Variants in SEMA3A observed in about 807,000 individuals in gnomAD.
SEMA3A encodes semaphorin-3A.
Under a neutral mutation model 97.9 loss-of-function variants are expected in SEMA3A, and 29 were observed. The observed-to-expected ratio is 0.30, with a 90% CI of 0.22 to 0.40. The LOEUF (loss-of-function observed/expected upper bound fraction) is 0.40. Among genes scored for constraint, SEMA3A ranks in the 10% least tolerant of loss-of-function variants. SEMA3A has a pLI of 1.00. For missense variants in SEMA3A, 763 were observed against 951.3 expected, an observed-to-expected ratio of 0.80 and a Z score of 2.60; for synonymous variants, 321 against 323.7, an observed-to-expected ratio of 0.99 and a Z score of 0.09.
intron 6 of SEMA3A, among the ~76,000 whole-genome samples, chr7:84,043,641 C>T (rs1047031754): frequency 1.3e-5 from 2 of 151,994 alleles, no homozygotes; most frequent in African/African-American, 4.8e-5. Flanking sequence ...CAATTTTATT[C>T]TGTAATGGTA....
intron 1 of SEMA3A, among the ~76,000 whole-genome samples, chr7:84,484,763 T>A (rs778857084): frequency 6.6e-6 from 1 of 152,182 alleles, no homozygotes; most frequent in Non-Finnish European, 1.5e-5. Flanking sequence ...CAAAATATGA[T>A]GGCAATACTG....
intron 6 of SEMA3A, among the ~76,000 whole-genome samples, chr7:84,042,731 C>T (rs1425479342): frequency 6.6e-6 from 1 of 151,968 alleles, no homozygotes; most frequent in East Asian, 1.9e-4. Context: ...TAAAGATAGT[C>T]TTTCTTCCAA....
At chr7:83,971,957 T>C (rs1788931666) in intron 15 of SEMA3A, among the ~76,000 whole-genome samples, 2 of 152,034 alleles carry the variant, frequency 1.3e-5, no homozygotes, top group African/African-American at 4.8e-5. Context: ...CATAGATTCC[T>C]GAAGATGTGA....
At chr7:84,411,190 G>C (rs1442013872) in intron 1 of SEMA3A, among the ~76,000 whole-genome samples, 2 of 151,958 alleles carry the variant, frequency 1.3e-5, no homozygotes, top group Non-Finnish European at 2.9e-5. Flanking sequence ...TGTAATACTT[G>C]ATTTCTGGAC....
At chr7:84,374,515 A>G (rs367921504) in intron 1 of SEMA3A, among the ~76,000 whole-genome samples, 3 of 152,368 alleles carry the variant, frequency 2.0e-5, no homozygotes, top group African/African-American at 7.2e-5. Flanking sequence ...TAAAAGGACA[A>G]TGACCATCTA....
rs533601563 is a variant in SEMA3A at position 84,477,641 on chromosome 7, A to G, written c.-246+14819T>C. Among the ~76,000 whole-genome samples, 11 of 152,214 alleles carry G rather than the reference A, an allele frequency of 7.2e-5. 1 individual carries two copies. The highest frequency in any genetic ancestry group is 5.9e-4 in the Admixed American group (9 of 15,282). On this transcript the variant is annotated intron_variant, in intron 1 of 3. Transcript: ENST00000424555. The stretch of plus-strand genomic sequence containing the variant: ...TCTTGTGTGAAAAGAAGGCCTATGT[A>G]TAGTGATATAACTAAGATATATTTC...
chr7:84,018,149 G>A (rs926117511), intron 6 of SEMA3A, among the ~76,000 whole-genome samples: 3 of 152,066 alleles, frequency 2.0e-5, no homozygotes, highest in African/African-American at 7.2e-5. Flanking sequence ...CTGTAAAGAT[G>A]GTGTTGTTAC....
At chr7:84,429,955 C>T (rs962209462) in intron 1 of SEMA3A, among the ~76,000 whole-genome samples, 2 of 151,712 alleles carry the variant, frequency 1.3e-5, no homozygotes, top group Non-Finnish European at 2.9e-5. Flanking sequence ...AGGAGCTTTA[C>T]GCTGTTGCAA....
intron 2 of SEMA3A, among the ~76,000 whole-genome samples, chr7:84,341,827 T>C (rs930603690): frequency 3.9e-5 from 6 of 152,148 alleles, no homozygotes; most frequent in African/African-American, 1.4e-4. Context: ...CTTTCAGACT[T>C]TGAAATCAGC....
intron 1 of SEMA3A, among the ~76,000 whole-genome samples, chr7:84,405,331 A>T (rs1804048434): frequency 6.6e-6 from 1 of 152,248 alleles, no homozygotes; most frequent in Non-Finnish European, 1.5e-5. Context: ...GATCAATTCA[A>T]CAAGAAGAAC....
At chr7:84,394,403 G>C (rs569374018) in intron 1 of SEMA3A, among the ~76,000 whole-genome samples, 5 of 152,144 alleles carry the variant, frequency 3.3e-5, no homozygotes, top group Admixed American at 3.3e-4. Flanking sequence ...TTTTTATGTA[G>C]AATCAATGAG....
At chr7:84,376,884 CTT>C (rs1377557744) in intron 1 of SEMA3A, among the ~76,000 whole-genome samples, 2 of 149,316 alleles carry the variant, frequency 1.3e-5, no homozygotes, top group Non-Finnish European at 3.0e-5. Context: ...GTATGTTGCT[CTT>C]GAGTTGTTTG....
intron 1 of SEMA3A, among the ~76,000 whole-genome samples, chr7:84,404,784 C>T (rs1804023386): frequency 6.6e-6 from 1 of 152,072 alleles, no homozygotes; most frequent in Non-Finnish European, 1.5e-5. Flanking sequence ...ATTTCATATC[C>T]AGCCAAACTA....
intron 11 of SEMA3A, among the ~76,000 whole-genome samples, chr7:84,003,125 T>C (rs1291891894): frequency 6.6e-6 from 1 of 152,126 alleles, no homozygotes; most frequent in African/African-American, 2.4e-5. Context: ...AAATAATTCA[T>C]CGATAACTGT....
At chr7:83,967,066 G>T (rs1359904918) in intron 15 of SEMA3A, among the ~76,000 whole-genome samples, 1 of 152,122 alleles carries the variant, frequency 6.6e-6, no homozygotes, top group Non-Finnish European at 1.5e-5. Context: ...GCCACAGGAT[G>T]TTTCTACCAT....
chr7:84,450,244 C>T (rs1364445169), intron 1 of SEMA3A, among the ~76,000 whole-genome samples: 1 of 151,328 alleles, frequency 6.6e-6, no homozygotes, highest in Non-Finnish European at 1.5e-5. Flanking sequence ...TTCTCTCTTT[C>T]TCTCTCTCTC....
At chr7:84,008,490 CAAAAAA>C (rs752729583) in intron 9 of SEMA3A, among the ~76,000 whole-genome samples, 1 of 81,204 alleles carries the variant, frequency 1.2e-5, no homozygotes, top group South Asian at 4.2e-4. Flanking sequence ...GACTCCGTCT[CAAAAAA>C]AAAAAAAAAA....
At chr7:84,091,343 GGGAA>G (rs908736677) in intron 4 of SEMA3A, among the ~76,000 whole-genome samples, 5 of 105,104 alleles carry the variant, frequency 4.8e-5, no homozygotes, top group Non-Finnish European at 6.8e-5. Flanking sequence ...AGAAAGAGGA[GGGAA>G]GGAAGGAAGA....
rs368260196 is a variant in SEMA3A at position 84,194,524 on chromosome 7, G to A, written c.63C>T (p.Asn21=). The A allele has an allele frequency of 1.9e-5, 31 of 1,613,118 alleles. No individual in the cohort carries two copies. In the South Asian group the frequency reaches 2.4e-4, roughly 13 times the overall value. ...GCACATTGTTCTTCCCATTCTGATA[G>A]TTTGCTCTTGCTGTAAGTAATACTC... is the stretch of plus-strand genomic sequence containing the variant. ...FWGVLLTARA[N]YQNGKNNVPR... is the part of the protein sequence containing the mutation. The change falls in exon 1 of 17, where the codon AAC becomes AAT. Residue 21 remains asparagine, a synonymous_variant. Transcript: ENST00000265362.
Sources: allele counts gnomAD v4.1 joint callset (sites outside exome capture counted in the v4.1 genomes callset), GRCh38; gene constraint gnomAD v4.1.1; transcripts MANE v1.5; gene names NCBI Gene and HGNC (gene_info 2026-07-23, HGNC 2026-07-21).